Variants in PCCA observed in about 807,000 individuals in gnomAD.
PCCA encodes the protein propionyl-CoA carboxylase subunit alpha.
In PCCA, 74 loss-of-function variants were observed where a neutral mutation model predicts 101.3. That is an observed-to-expected ratio of 0.73 (90% CI 0.61 to 0.89). PCCA has a LOEUF of 0.89. Ranked by LOEUF, PCCA falls within the 40% of genes least tolerant of loss-of-function variation. The pLI, the probability that PCCA is intolerant of heterozygous loss-of-function variation, is 0.00. For missense variants in PCCA, 891 were observed against 907.0 expected (o/e 0.98, Z 0.23); for synonymous variants, 294 against 313.6 (o/e 0.94, Z 0.66).
At chr13:100,348,783 T>TTC (rs1566976583) in intron 18 of PCCA, among the ~76,000 whole-genome samples, 706 of 55,010 alleles carry the variant, frequency 0.013, 3 homozygotes, top group Non-Finnish European at 0.017. Context: ...TTTCTTTCTT[T>TTC]CTTTCTTCCT....
chr13:100,474,431 A>G (rs1596068816), intron 21 of PCCA, among the ~76,000 whole-genome samples: 4 of 139,178 alleles, frequency 2.9e-5, no homozygotes, highest in Non-Finnish European at 1.5e-5. Context: ...AATTTTATGT[A>G]TTTACTGTTT....
chr13:100,418,825 C>A (rs1195228622), intron 19 of PCCA, among the ~76,000 whole-genome samples: 6 of 132,126 alleles, frequency 4.5e-5, no homozygotes, highest in Admixed American at 7.8e-5. Context: ...GAGAGTGAGA[C>A]TCCACCTCAA....
intron 21 of PCCA, among the ~76,000 whole-genome samples, chr13:100,465,231 A>G (rs974175065): frequency 2.0e-5 from 3 of 152,196 alleles, no homozygotes; most frequent in East Asian, 1.9e-4. Context: ...AGAATTTGCA[A>G]TATATTTTGA....
intron 6 of PCCA, among the ~76,000 whole-genome samples, chr13:100,170,384 T>C (rs968571804): frequency 6.6e-6 from 1 of 152,220 alleles, no homozygotes; most frequent in Non-Finnish European, 1.5e-5. Context: ...TGTTCTAAAC[T>C]TAAACTTTTA....
chr13:100,351,356 T>TA (rs1317297283), intron 18 of PCCA, among the ~76,000 whole-genome samples: 1 of 152,158 alleles, frequency 6.6e-6, no homozygotes, highest in African/African-American at 2.4e-5. Flanking sequence ...GTAAAAAACT[T>TA]AAAAAAGGAA....
chr13:100,475,554 T>C (rs886355675), intron 21 of PCCA, among the ~76,000 whole-genome samples: 1 of 152,170 alleles, frequency 6.6e-6, no homozygotes, highest in Non-Finnish European at 1.5e-5. Flanking sequence ...TGTCAGTTGG[T>C]GGGTGTTGGT....
At chr13:100,201,944 C>G (rs541074065) in intron 6 of PCCA, among the ~76,000 whole-genome samples, 1 of 148,876 alleles carries the variant, frequency 6.7e-6, no homozygotes, top group Non-Finnish European at 1.5e-5. Context: ...TTGCAAACCT[C>G]TGTTGTATTG....
intron 7 of PCCA, among the ~76,000 whole-genome samples, chr13:100,214,549 C>A (rs2059409283): frequency 6.6e-6 from 1 of 151,872 alleles, no homozygotes; most frequent in Non-Finnish European, 1.5e-5. Flanking sequence ...CTCCGGCTCC[C>A]TGGTATCTGG....
chr13:100,160,754 A>G (rs958032631), intron 6 of PCCA: 1 of 152,230 alleles, frequency 6.6e-6, no homozygotes, highest in South Asian at 2.1e-4. Context: ...ATCTTAACAG[A>G]GTTTACAAAG....
At chr13:100,204,099 G>T (rs7334796) in intron 6 of PCCA, among the ~76,000 whole-genome samples, 2,589 of 150,346 alleles carry the variant, frequency 0.017, 89 homozygotes, top group African/African-American at 0.06. Flanking sequence ...CCACAATCTG[G>T]ATCTTTTGGA....
chr13:100,159,415 A>T (rs1297716518), intron 6 of PCCA, among the ~76,000 whole-genome samples: 1 of 152,046 alleles, frequency 6.6e-6, no homozygotes, highest in Non-Finnish European at 1.5e-5. Flanking sequence ...AAGTCTGTTT[A>T]AGGCCTTTGA....
chr13:100,151,448 G>A (rs992188740), intron 4 of PCCA, among the ~76,000 whole-genome samples: 1 of 152,028 alleles, frequency 6.6e-6, no homozygotes, highest in African/African-American at 2.4e-5. Context: ...AAAGTTAGCC[G>A]GGGTTGGTGG....
intron 12 of PCCA, among the ~76,000 whole-genome samples, chr13:100,276,152 G>C (rs189368332): frequency 7.2e-6 from 1 of 138,076 alleles, no homozygotes; most frequent in African/African-American, 2.7e-5. Context: ...GAGGTGGGAG[G>C]ATCCCTTGAG....
At chr13:100,103,080 C>G in intron 2 of PCCA, 120 bp downstream of exon 2, 1 of 714,788 alleles carries the variant, frequency 1.4e-6, no homozygotes, top group Non-Finnish European at 2.5e-6. Context: ...GGTCATTGAT[C>G]ACTCTAGCAT....
intron 12 of PCCA, among the ~76,000 whole-genome samples, chr13:100,297,377 GT>G (rs1413498083): frequency 6.6e-6 from 1 of 152,208 alleles, no homozygotes; most frequent in African/African-American, 2.4e-5. Context: ...CAGTGTCAGA[GT>G]TTATTATTAT....
At chr13:100,232,293 T>A (rs1358862974) in intron 7 of PCCA, among the ~76,000 whole-genome samples, 1 of 152,108 alleles carries the variant, frequency 6.6e-6, no homozygotes, top group African/African-American at 2.4e-5. Flanking sequence ...TCTAATGTTC[T>A]TTCTCCCTGA....
chr13:100,249,898 T>C (rs751854702), intron 8 of PCCA, among the ~76,000 whole-genome samples: 1 of 152,172 alleles, frequency 6.6e-6, no homozygotes, highest in Non-Finnish European at 1.5e-5. Context: ...TGATAATCTT[T>C]TGTATATTAA....
chr13:100,285,191 G>T (rs1250909514), intron 12 of PCCA, among the ~76,000 whole-genome samples: 2 of 152,156 alleles, frequency 1.3e-5, no homozygotes, highest in African/African-American at 4.8e-5. Context: ...GGCCGACTAT[G>T]GATCCCCGGA....
chr13:100,160,442 G>T (rs2054336114), intron 6 of PCCA, among the ~76,000 whole-genome samples: 1 of 151,590 alleles, frequency 6.6e-6, no homozygotes, highest in Non-Finnish European at 1.5e-5. Context: ...GGTGGAGGTT[G>T]CAGTGAGCTG....
Sources: gnomAD v4.1 joint callset for allele counts (sites outside exome capture counted in the v4.1 genomes callset) on GRCh38, gnomAD v4.1.1 for gene constraint, MANE v1.5 for transcripts, NCBI Gene and HGNC (gene_info 2026-07-23, HGNC 2026-07-21) for gene names.